Variants in N4BP2 observed in about 807,000 individuals in gnomAD.
N4BP2 encodes NEDD4 binding protein 2.
In N4BP2, 91 loss-of-function variants were observed where a neutral mutation model predicts 152.8. The ratio of observed to expected loss-of-function variants is 0.60; its 90% CI spans 0.50 to 0.71. The LOEUF is 0.71. Among genes scored for constraint, N4BP2 ranks in the 30% least tolerant of loss-of-function variants. The pLI is 0.00. For missense variants in N4BP2, 1,923 were observed against 2,059.1 expected (o/e 0.93, Z 1.28); for synonymous variants, 646 against 705.3 (o/e 0.92, Z 1.33).
intron 4 of N4BP2, 58 bp from the exon 5 acceptor site, chr4:40,106,842 T>A: frequency 6.6e-7 from 1 of 1,515,624 alleles, no homozygotes; most frequent in Non-Finnish European, 9.0e-7. Context: ...TTTGGAAAAA[T>A]TAGGAGAGAA....
At chr4:40,077,262 G>A (rs565384429) in intron 2 of N4BP2, among the ~76,000 whole-genome samples, 2 of 151,962 alleles carry the variant, frequency 1.3e-5, no homozygotes, top group African/African-American at 4.8e-5. Flanking sequence ...CTGGGTTCAA[G>A]CAATTCTCCT....
At chr4:40,147,784 T>A (rs1482369460) in intron 16 of N4BP2, among the ~76,000 whole-genome samples, 1 of 147,492 alleles carries the variant, frequency 6.8e-6, no homozygotes, top group Non-Finnish European at 1.5e-5. Flanking sequence ...GGGCGGCTGC[T>A]GGGCGGAGGG....
intron 2 of N4BP2, among the ~76,000 whole-genome samples, chr4:40,085,285 C>G (rs1380876642): frequency 1.3e-5 from 2 of 152,146 alleles, no homozygotes; most frequent in Non-Finnish European, 2.9e-5. Context: ...ATCTGCCCGC[C>G]TCAGCCTCCC....
rs746430629 is a variant in N4BP2 at position 40,144,697 on chromosome 4, A to T, written c.5040A>T (p.Lys1680Asn). Residue 1680 changes from lysine to asparagine, a missense_variant, in exon 16 of 18, where the codon AAA becomes AAT. Coordinates refer to ENST00000261435, the MANE Select transcript of N4BP2 (RefSeq NM_018177.6). The part of the protein sequence containing the change: ...NHLAAIEIFE[K>N]VNASLLPQNV... ...TTGCTGCCATAGAGATCTTTGAGAA[A>T]GTCAATGCTTCGCTGCTGCCACAGA... 1 of 1,614,122 alleles carries T rather than the reference A, an allele frequency of 6.2e-7. No homozygotes were observed. Among genetic ancestry groups the T allele is most frequent in the South Asian group, 1.1e-5 (1 of 91,066 alleles).
intron 16 of N4BP2, among the ~76,000 whole-genome samples, chr4:40,145,893 T>G (rs1454854938): frequency 6.6e-6 from 1 of 152,112 alleles, no homozygotes; most frequent in East Asian, 1.9e-4. Flanking sequence ...CCGGGTGCGG[T>G]GGCTCATGCC....
At position 40,121,601 on chromosome 4, in the gene N4BP2, A is replaced by T; in HGVS notation, c.3490A>T (p.Ser1164Cys). The T allele has an allele frequency of 6.2e-7, 1 of 1,614,176 alleles. No individual in the cohort carries two copies. Among genetic ancestry groups the T allele is most frequent in the Admixed American group, 1.7e-5 (1 of 60,028 alleles). ...SLGLNLKEII[S>C]QRGTLENSNS... The stretch of plus-strand genomic sequence containing the variant: ...GGGGTTGAATTTGAAAGAAATTATT[A>T]GCCAAAGAGGAACTTTAGAGAATTC... Residue 1164 changes from serine to cysteine, a missense_variant, in exon 9 of 18, where the codon AGC (serine) becomes TGC (cysteine). Transcript: ENST00000261435.
chr4:40,116,223 C>T (rs985136717), intron 7 of N4BP2, among the ~76,000 whole-genome samples: 1 of 151,932 alleles, frequency 6.6e-6, no homozygotes, highest in African/African-American at 2.4e-5. Context: ...TTTTTGAAAT[C>T]CACTCTGTCC....
At chr4:40,182,261 A>C in the N4BP2 span, among the ~76,000 whole-genome samples, 1 of 152,192 alleles carries the variant, frequency 6.6e-6, no homozygotes. Flanking sequence ...AAAGGTGTTC[A>C]TGTGCTTCGA....
chr4:40,118,839 C>T (rs969337628), intron 8 of N4BP2, among the ~76,000 whole-genome samples: 5 of 152,168 alleles, frequency 3.3e-5, no homozygotes, highest in East Asian at 1.9e-4. Context: ...TGTTTAGCAA[C>T]GAAGACACAT....
chr4:40,150,676 GA>G (rs10675156), intron 16 of N4BP2, among the ~76,000 whole-genome samples: 28 of 146,366 alleles, frequency 1.9e-4, no homozygotes, highest in Middle Eastern at 3.5e-3. Flanking sequence ...GTCTCAGGGG[GA>G]AAAAAAAAAA....
At chr4:40,182,025 C>A in the N4BP2 span, among the ~76,000 whole-genome samples, 4 of 152,202 alleles carry the variant, frequency 2.6e-5, no homozygotes, top group Non-Finnish European at 5.9e-5. Context: ...AGGTTGCTTA[C>A]ACCCCATTAC....
chr4:40,158,271 C>T (rs910699790), downstream of N4BP2: 10 of 152,024 alleles, frequency 6.6e-5, no homozygotes, highest in African/African-American at 2.4e-4. Flanking sequence ...TGAGGAAATC[C>T]TTCATTTGAT....
At chr4:40,161,074 G>A (rs1016684504), downstream of N4BP2, among the ~76,000 whole-genome samples, 1 of 152,214 alleles carries the variant, frequency 6.6e-6, no homozygotes, top group African/African-American at 2.4e-5. Context: ...ATCCTGACAA[G>A]TTAAAATCAC....
At chr4:40,090,898 A>G (rs536025696) in intron 2 of N4BP2, among the ~76,000 whole-genome samples, 20 of 136,146 alleles carry the variant, frequency 1.5e-4, no homozygotes, top group Non-Finnish European at 2.4e-4. Context: ...ACGCCATTGC[A>G]CTCCAGCCTG....
At chr4:40,153,760 T>G (rs957767860) in intron 17 of N4BP2, among the ~76,000 whole-genome samples, 2 of 152,202 alleles carry the variant, frequency 1.3e-5, no homozygotes, top group Non-Finnish European at 2.9e-5. Context: ...TGAGATTAAT[T>G]ATCTATTTTA....
intron 5 of N4BP2, among the ~76,000 whole-genome samples, chr4:40,111,331 G>GT (rs1220681047): frequency 1.3e-5 from 2 of 151,930 alleles, no homozygotes; most frequent in African/African-American, 2.4e-5. Context: ...AATATGTGGG[G>GT]TTTTTTTGAG....
chr4:40,092,360 A>G (rs1184558941), intron 2 of N4BP2, among the ~76,000 whole-genome samples: 3 of 150,854 alleles, frequency 2.0e-5, no homozygotes, highest in African/African-American at 7.3e-5. Context: ...GTCTTATTGG[A>G]TGAGTTTTGA....
chr4:40,176,113 GA>G, the N4BP2 span, among the ~76,000 whole-genome samples: 69 of 148,584 alleles, frequency 4.6e-4, no homozygotes, highest in Admixed American at 2.5e-3. Flanking sequence ...AAAAGAGAAA[GA>G]AAAAAAACAA....
chr4:40,148,539 T>C (rs1266163916), intron 16 of N4BP2, among the ~76,000 whole-genome samples: 3 of 152,222 alleles, frequency 2.0e-5, no homozygotes, highest in African/African-American at 4.8e-5. Context: ...AGTGAGATCA[T>C]ACAGGATTTG....
Sources: allele counts gnomAD v4.1 joint callset (sites outside exome capture counted in the v4.1 genomes callset), GRCh38; gene constraint gnomAD v4.1.1; transcripts MANE v1.5; gene names NCBI Gene and HGNC (gene_info 2026-07-23, HGNC 2026-07-21).